Variants in YIPF7 observed in about 807,000 individuals in gnomAD.
YIPF7 encodes the protein protein YIPF7.
In YIPF7, 35 loss-of-function variants were observed where a neutral mutation model predicts 27.2. The ratio of observed to expected loss-of-function variants is 1.29; its 90% CI spans 0.98 to 1.70. The LOEUF is 1.70. Ranked by LOEUF, YIPF7 falls within the 40% of genes most tolerant of loss-of-function variation. The pLI, the probability that YIPF7 is intolerant of heterozygous loss-of-function variation, is 0.00. For missense variants in YIPF7, 358 were observed against 303.7 expected (o/e 1.18, Z -1.33); for synonymous variants, 137 against 110.4 (o/e 1.24, Z -1.51).
chr4:44,654,595 C>A (rs1263312031), upstream of YIPF7, among the ~76,000 whole-genome samples: 3 of 151,948 alleles, frequency 2.0e-5, no homozygotes, highest in Non-Finnish European at 4.4e-5. Flanking sequence ...CTTGACCTTT[C>A]TTCTCAGGAT....
chr4:44,626,376 A>C (rs561624105), intron 4 of YIPF7, among the ~76,000 whole-genome samples: 1 of 152,326 alleles, frequency 6.6e-6, no homozygotes, highest in East Asian at 1.9e-4. Flanking sequence ...CATCTACTTA[A>C]TATTTTACTT....
chr4:44,653,829 C>T (rs970676352), upstream of YIPF7, among the ~76,000 whole-genome samples: 1 of 152,072 alleles, frequency 6.6e-6, no homozygotes, highest in African/African-American at 2.4e-5. Flanking sequence ...TTTTCTAAAA[C>T]AGCAGAGATT....
chr4:44,655,448 C>G (rs1225698996), upstream of YIPF7, among the ~76,000 whole-genome samples: 3 of 151,818 alleles, frequency 2.0e-5, no homozygotes, highest in Non-Finnish European at 4.4e-5. Flanking sequence ...GTATGGCTGC[C>G]CAGAACTCTG....
intron 5 of YIPF7, among the ~76,000 whole-genome samples, chr4:44,624,357 C>A (rs1207132262): frequency 6.6e-6 from 1 of 151,954 alleles, no homozygotes; most frequent in African/African-American, 2.4e-5. Context: ...AGCCACTGCG[C>A]CTGGCCAAAA....
At position 44,640,947 on chromosome 4, in the gene YIPF7, G is replaced by A. The variant is rs141475110; in HGVS notation, c.117-4862C>T. Among the ~76,000 whole-genome samples, 905 of 152,016 alleles carry A rather than the reference G, an allele frequency of 6.0e-3. 7 individuals carry two copies. Among genetic ancestry groups the A allele is most frequent in the African/African-American group, 0.02 (843 of 41,460 alleles). ...ATGGTGTCTTACTTTAGCTGCTTGG[G>A]TTTCAGAAAGAGCATGGAACCCAAG... On this transcript the variant is annotated intron_variant, in intron 2 of 5. Transcript: ENST00000415895.
At chr4:44,643,781 T>C (rs1713424925) in intron 2 of YIPF7, among the ~76,000 whole-genome samples, 1 of 152,174 alleles carries the variant, frequency 6.6e-6, no homozygotes, top group Non-Finnish European at 1.5e-5. Flanking sequence ...ATGCAAGCTA[T>C]AAGTCTTGGT....
chr4:44,639,948 T>C (rs930797128), intron 2 of YIPF7, among the ~76,000 whole-genome samples: 2 of 152,220 alleles, frequency 1.3e-5, no homozygotes, highest in African/African-American at 4.8e-5. Flanking sequence ...ATTGAGATAA[T>C]CATATGTTTT....
chr4:44,624,406 T>A (rs1269170164), intron 5 of YIPF7, among the ~76,000 whole-genome samples, 195 bp downstream of exon 5: 1 of 152,144 alleles, frequency 6.6e-6, no homozygotes, highest in Non-Finnish European at 1.5e-5. Flanking sequence ...AATTTATTTT[T>A]TAAGTAATTG....
chr4:44,646,074 G>C (rs1400204115), intron 2 of YIPF7, among the ~76,000 whole-genome samples: 1 of 152,146 alleles, frequency 6.6e-6, no homozygotes, highest in Non-Finnish European at 1.5e-5. Context: ...CAGAGATGTT[G>C]GTGGAGTCAA....
intron 3 of YIPF7, among the ~76,000 whole-genome samples, chr4:44,630,329 T>C (rs1389000790): frequency 1.3e-5 from 2 of 152,182 alleles, no homozygotes; most frequent in East Asian, 1.9e-4. Context: ...CATGGCATAA[T>C]TTTTCAATTA....
chr4:44,640,651 C>T (rs1713292976), intron 2 of YIPF7, among the ~76,000 whole-genome samples: 1 of 152,186 alleles, frequency 6.6e-6, no homozygotes, highest in Admixed American at 6.5e-5. Context: ...CCAACTGTTG[C>T]CCCTCAGTTC....
intron 3 of YIPF7, among the ~76,000 whole-genome samples, chr4:44,633,660 A>G (rs1713002443): frequency 6.6e-6 from 1 of 152,152 alleles, no homozygotes; most frequent in Admixed American, 6.5e-5. Flanking sequence ...AAAAATTAAT[A>G]TCACATTTTT....
intron 2 of YIPF7, among the ~76,000 whole-genome samples, chr4:44,641,202 C>T (rs60007888): frequency 0.077 from 11,756 of 152,074 alleles, 535 homozygotes; most frequent in Admixed American, 0.13. Context: ...CTTCCCCTTC[C>T]TAGCTTTTGG....
At chr4:44,653,382 G>C (rs1400249170), upstream of YIPF7, among the ~76,000 whole-genome samples, 1 of 152,118 alleles carries the variant, frequency 6.6e-6, no homozygotes, top group Non-Finnish European at 1.5e-5. Flanking sequence ...GGAAGAGAAA[G>C]TTACAATAAC....
At position 44,636,012 on chromosome 4, in the gene YIPF7, C is replaced by G. The variant is rs376614148; in HGVS notation, c.190G>C (p.Gly64Arg). 2.2e-5 allele frequency: 35 copies of G among 1,613,762 alleles called. No individual in the cohort carries two copies. The African/African-American group carries it at 4.0e-4, about 18-fold the overall frequency. ...TTGGATGCTGGCTGAAAAAATTGTC[C>G]TGCGTAACCCGATGACATGAGCATC... ...SEMLMSSGYA[G>R]QFFQPASNSD... The change falls in exon 3 of 6, where the codon GGA becomes CGA. Residue 64 changes from glycine (G) to arginine (R), a missense_variant. Physicochemically the swap from Gly to Arg is moderately radical, Grantham distance 125 (BLOSUM62 -2). Coordinates refer to ENST00000415895, the MANE Select transcript of YIPF7 (RefSeq NM_182592.3).
At chr4:44,628,878 G>A (rs1483274404) in intron 4 of YIPF7, among the ~76,000 whole-genome samples, 1 of 152,150 alleles carries the variant, frequency 6.6e-6, no homozygotes, top group Non-Finnish European at 1.5e-5. Context: ...GAGGAAATAT[G>A]TAGGTTGAGT....
At chr4:44,636,206 G>C in intron 2 of YIPF7, 121 bp from the exon 3 acceptor site, 1 of 1,033,654 alleles carries the variant, frequency 9.7e-7, no homozygotes, top group South Asian at 2.3e-5. Context: ...ACTCATGAAA[G>C]AAACAACTTA....
At chr4:44,622,699 A>G in intron 5 of YIPF7, 123 bp from the exon 6 acceptor site, 2 of 1,235,840 alleles carry the variant, frequency 1.6e-6, no homozygotes, top group African/African-American at 1.5e-5. Context: ...TAAAATGAAA[A>G]TGATAAAATA....
chr4:44,630,728 T>C (rs757796533), intron 3 of YIPF7, among the ~76,000 whole-genome samples: 1 of 152,222 alleles, frequency 6.6e-6, no homozygotes, highest in Non-Finnish European at 1.5e-5. Flanking sequence ...TCTGCTAGAA[T>C]CTGCTTCTCT....
Sources: allele counts gnomAD v4.1 joint callset (sites outside exome capture counted in the v4.1 genomes callset), GRCh38; gene constraint gnomAD v4.1.1; transcripts MANE v1.5; gene names NCBI Gene and HGNC (gene_info 2026-07-23, HGNC 2026-07-21).